ZNF687: variants seen among roughly 807,000 people sequenced by gnomAD.
ZNF687 encodes zinc finger protein 687.
ZNF687 carries 13 observed loss-of-function variants against 71.8 expected under a neutral mutation model. The observed-to-expected ratio is 0.18, with a 90% CI of 0.12 to 0.29. The LOEUF is 0.29. Ranked by LOEUF, ZNF687 falls within the 10% of genes least tolerant of loss-of-function variation. The pLI is 1.00. For synonymous variants in ZNF687, 673 were observed against 641.6 expected, an observed-to-expected ratio of 1.05 and a Z score of -0.74; for missense variants, 1,412 against 1,625.6, an observed-to-expected ratio of 0.87 and a Z score of 2.26.
intron 1 of ZNF687, chr1:151,285,109 A>G (rs755660720): frequency 6.6e-6 from 1 of 152,142 alleles, no homozygotes; most frequent in East Asian, 1.9e-4. Flanking sequence ...AAAGTAAGGC[A>G]CTGAAGAAAC....
In ZNF687 at chr1:151,288,023, C is replaced by G; in HGVS notation, c.1732C>G (p.Leu578Val). Reference protein sequence around the residue: ...RRLVFFNKCSLLLHAREHKDK... With the variant: ...RRLVFFNKCSVLLHAREHKDK... Reference sequence around the variant, plus strand: ...CCTGGTCTTCTTCAACAAGTGCAGCCTGCTCCTGCATGCACGTGAACACAA... The same window carrying G: ...CCTGGTCTTCTTCAACAAGTGCAGCGTGCTCCTGCATGCACGTGAACACAA... The change falls in exon 2 of 9, where the codon CTG becomes GTG. Residue 578 changes from leucine to valine, a missense_variant. Physicochemically the swap from Leu to Val is conservative, Grantham distance 32. Transcript: ENST00000336715. 6.2e-7 allele frequency: 1 copy of G among 1,614,080 alleles called. No individual in the cohort carries two copies. Among genetic ancestry groups the G allele is most frequent in the Non-Finnish European group, 8.5e-7 (1 of 1,180,036 alleles).
upstream of ZNF687, chr1:151,281,662 A>C: frequency 4.3e-6 from 2 of 466,876 alleles, no homozygotes; most frequent in Middle Eastern, 6.6e-4. Context: ...GACCCCATCC[A>C]TCAGATTATA....
chr1:151,291,043 G>A lies in ZNF687; in HGVS notation c.3548G>A (p.Arg1183Lys), dbSNP rs2101888912. The A allele has an allele frequency of 1.2e-6, 2 of 1,613,870 alleles. No homozygotes were observed. The highest frequency in any genetic ancestry group is 2.2e-5 in the East Asian group (1 of 44,866). ...GGGGAGGAAGAGGCCCCTCCATCAA[G>A]GTCTGACCCCGATGGTGGAGACTCA... The part of the protein sequence containing the change: ...GDGEEEAPPS[R>K]SDPDGGDSPL... Residue 1183 changes from arginine to lysine, a missense_variant, in exon 9 of 9, where the codon AGG becomes AAG. Arg to Lys is a conservative substitution (Grantham distance 26). This residue lies in a region of ZNF687 where 284 missense variants were observed against 359.2 expected (regional missense o/e 0.79). Transcript: ENST00000336715.
chr1:151,290,798 G>C lies in ZNF687; in HGVS notation c.3303G>C (p.Arg1101Ser). ...CGACACCGCCAGCCAAGTCCCCCAGGGGCGGACCTGGATCTGGAGGCCATG... is the reference window on the plus strand; with the variant it reads ...CGACACCGCCAGCCAAGTCCCCCAGCGGCGGACCTGGATCTGGAGGCCATG... ...DSTTPPAKSP[R>S]GGPGSGGHGP... is the part of the protein sequence containing the mutation. The change falls in exon 9 of 9, where the codon AGG becomes AGC. Residue 1101 changes from arginine to serine, a missense_variant. By Grantham distance (110) the Arg-to-Ser change is moderately radical (BLOSUM62 -1). This residue lies in a region of ZNF687 where 284 missense variants were observed against 359.2 expected (regional missense o/e 0.79). Coordinates refer to ENST00000336715, the MANE Select transcript of ZNF687 (RefSeq NM_020832.3). The C allele has an allele frequency of 1.2e-6, 2 of 1,613,822 alleles. No individual in the cohort carries two copies. The highest frequency in any genetic ancestry group is 2.2e-5 in the East Asian group (1 of 44,882).
In ZNF687 at chr1:151,287,682, AGGT is replaced by A. The variant is rs958023761; in HGVS notation, c.1393_1395del (p.Val465del). 1 of 1,613,434 alleles carries A rather than the reference AGGT, an allele frequency of 6.2e-7. No individual in the cohort carries two copies. The highest frequency in any genetic ancestry group is 1.3e-5 in the African/African-American group (1 of 74,904). ...GCAGGGCTGGGGACTGGGGGACAGA[AGGT>A]GAATGGTGCCTCGGTGGTGATGGTG... On this transcript the variant is annotated inframe_deletion, in exon 2 of 9. Coordinates refer to ENST00000336715, the MANE Select transcript of ZNF687 (RefSeq NM_020832.3). The surrounding 1 kb of genome is among the most constrained non-coding windows in gnomAD (Gnocchi z 5.0).
Position 151,289,898 on chromosome 1 carries a change from G to C in ZNF687, c.2855G>C (p.Gly952Ala). ...KRPRRELGSK[G>A]LKGGGGGPGG... Reference sequence around the variant, plus strand: ...CCTCGGCGGGAACTAGGGAGCAAAGGCCTCAAGGGTGGGGGTGGGGGGCCT... The same window carrying C: ...CCTCGGCGGGAACTAGGGAGCAAAGCCCTCAAGGGTGGGGGTGGGGGGCCT... Residue 952 changes from glycine to alanine, a missense_variant, in exon 6 of 9, where the codon GGC becomes GCC. Physicochemically the swap from Gly to Ala is moderately conservative, Grantham distance 60. Around this residue, in one of 8 missense-constraint regions of ZNF687, gnomAD observed 135 missense variants for 104.1 expected, o/e 1.30. Coordinates refer to ENST00000336715, the MANE Select transcript of ZNF687 (RefSeq NM_020832.3). 6.4e-7 allele frequency: 1 copy of C among 1,558,410 alleles called. No homozygotes were observed.
At chr1:151,283,144 T>C (rs1039665411) in intron 1 of ZNF687, 37 of 985,254 alleles carry the variant, frequency 3.8e-5, no homozygotes, top group Non-Finnish European at 4.2e-5. Context: ...CAGTTTCCCT[T>C]GTAGTTTCTC....
chr1:151,282,429 C>T (rs911057598), intron 1 of ZNF687, 34 bp downstream of exon 1: 51 of 985,980 alleles, frequency 5.2e-5, no homozygotes, highest in Non-Finnish European at 6.0e-5. Context: ...CCGCCCTTGG[C>T]TCCGCCCCCT....
chr1:151,286,290 A>C lies in ZNF687; in HGVS notation c.-2A>C. Reference sequence around the variant, plus strand: ...TTTTCATCAGGTCTGGGATCTGCCGATATGGGGGATATGAAGACCCCTGAT... The same window carrying C: ...TTTTCATCAGGTCTGGGATCTGCCGCTATGGGGGATATGAAGACCCCTGAT... On this transcript the variant is annotated 5_prime_UTR_variant, in exon 2 of 9. Transcript: ENST00000336715. 6.5e-7 allele frequency: 1 copy of C among 1,549,542 alleles called. No individual in the cohort carries two copies. Among genetic ancestry groups the C allele is most frequent in the Non-Finnish European group, 8.7e-7 (1 of 1,151,494 alleles).
rs1473878866 is a variant in ZNF687 at position 151,286,993 on chromosome 1, A to G, written c.702A>G (p.Leu234=). 6.2e-7 allele frequency: 1 copy of G among 1,602,394 alleles called. No homozygotes were observed. The highest frequency in any genetic ancestry group is 2.2e-5 in the East Asian group (1 of 44,670). The change falls in exon 2 of 9, where the codon CTA becomes CTG. Residue 234 remains leucine, a synonymous_variant. Transcript: ENST00000336715. ...GCAGCCCCCATCATCCCCAGGTCCT[A>G]GCCCAACAAGGCTCAGGCTCCAGCC... ...ESCSPHHPQV[L]AQQGSGSSPK... is the part of the protein sequence containing the mutation.
At position 151,286,604 on chromosome 1, in the gene ZNF687, G is replaced by C. The variant is rs1693956494; in HGVS notation, c.313G>C (p.Asp105His). The change falls in exon 2 of 9, where the codon GAC (aspartate) becomes CAC (histidine). Residue 105 changes from aspartate (D) to histidine (H), a missense_variant. Transcript: ENST00000336715. The stretch of plus-strand genomic sequence containing the variant: ...GGCCCTGGCTGGAGGCTCAGCAGGA[G>C]ACGGGGCCCAGGCTGCTGGGGTAAC... The part of the protein sequence containing the change: ...SEALAGGSAG[D>H]GAQAAGVTKE... 1 of 1,614,230 alleles carries C rather than the reference G, an allele frequency of 6.2e-7. No homozygotes were observed. The highest frequency in any genetic ancestry group is 8.5e-7 in the Non-Finnish European group (1 of 1,180,036).
chr1:151,289,569 T>C (rs202193782), intron 5 of ZNF687, 29 bp downstream of exon 5: 2 of 1,613,956 alleles, frequency 1.2e-6, no homozygotes, highest in Non-Finnish European at 1.7e-6. Flanking sequence ...GGGGAATGGG[T>C]GCTTAGCTGT....
Position 151,289,291 on chromosome 1 carries a change from CGGGCTGGGCCAGGGA to C in ZNF687, c.2471+28_2471+42del. On this transcript the variant is annotated intron_variant, in intron 4 of 8. Transcript: ENST00000336715. ...GGCCAAGTGAGGCCCGGGGGAGGGCCGGGCTGGGCCAGGGAGGGCTGGTGGGGCGCAGGAGGGGAG... is the reference window on the plus strand; with the variant it reads ...GGCCAAGTGAGGCCCGGGGGAGGGCCGGGCTGGTGGGGCGCAGGAGGGGAG... The C allele has an allele frequency of 6.2e-7, 1 of 1,612,850 alleles. No homozygotes were observed. Among genetic ancestry groups the C allele is most frequent in the South Asian group, 1.1e-5 (1 of 91,058 alleles).
rs771813480 is a variant in ZNF687, at chr1:151,287,926, G to A, written c.1635G>A (p.Glu545=). Residue 545 remains glutamate (E), a synonymous_variant, in exon 2 of 9, where the codon GAG becomes GAA. Transcript: ENST00000336715. The surrounding 1 kb of genome is among the most constrained non-coding windows in gnomAD (Gnocchi z 5.0). ...AGTGTGGGGATGCCTTCTCATTGGA[G>A]AAGAGCCTGGCACGGCACTATGACC... ...CLECGDAFSL[E]KSLARHYDRR... 20 of 1,613,814 alleles carry A rather than the reference G, an allele frequency of 1.2e-5. No individual in the cohort carries two copies. The highest frequency in any genetic ancestry group is 1.7e-5 in the Non-Finnish European group (20 of 1,180,048).
At position 151,287,564 on chromosome 1, in the gene ZNF687, G is replaced by T; in HGVS notation, c.1273G>T (p.Val425Leu). 6.2e-7 allele frequency: 1 copy of T among 1,614,076 alleles called. No individual in the cohort carries two copies. The highest frequency in any genetic ancestry group is 8.5e-7 in the Non-Finnish European group (1 of 1,180,020). ...MAASVARKAV[V>L]LPGGTATSPK... ...AGCCAGTGTGGCTCGCAAGGCTGTG[G>T]TGCTGCCTGGGGGGACTGCCACCAG... Residue 425 changes from valine to leucine, a missense_variant, in exon 2 of 9, where the codon GTG becomes TTG. Physicochemically the swap from Val to Leu is conservative, Grantham distance 32 (BLOSUM62 1). This residue lies in a region of ZNF687 where 133 missense variants were observed against 155.1 expected (regional missense o/e 0.86). Coordinates refer to ENST00000336715, the MANE Select transcript of ZNF687 (RefSeq NM_020832.3). The surrounding 1 kb of genome is among the most constrained non-coding windows in gnomAD (Gnocchi z 5.0).
intron 5 of ZNF687, 33 bp from the exon 6 acceptor site, chr1:151,289,645 C>G (rs780891941): frequency 7.2e-5 from 114 of 1,593,332 alleles, no homozygotes; most frequent in Non-Finnish European, 9.0e-5. Context: ...GGCCCTCCCC[C>G]ACAACAGCAA....
chr1:151,282,298 C>G (rs1693742734), upstream of ZNF687: 1 of 1,002,330 alleles, frequency 1.0e-6, no homozygotes, highest in African/African-American at 1.7e-5. Flanking sequence ...CGGAGAGAAG[C>G]AGGAAGTAGC....
At position 151,287,272 on chromosome 1, in the gene ZNF687, T is replaced by A; in HGVS notation, c.981T>A (p.Pro327=). 6.2e-7 allele frequency: 1 copy of A among 1,614,174 alleles called. No homozygotes were observed. The highest frequency in any genetic ancestry group is 8.5e-7 in the Non-Finnish European group (1 of 1,180,020). The change falls in exon 2 of 9, where the codon CCT becomes CCA. Residue 327 remains proline (P), a synonymous_variant. Coordinates refer to ENST00000336715, the MANE Select transcript of ZNF687 (RefSeq NM_020832.3). The surrounding 1 kb of genome is among the most constrained non-coding windows in gnomAD (Gnocchi z 5.0). ...CCCCTGCCTCCAGCTCCTCTAGGCC[T>A]CTTAAGGTGCGGATCAAGACCATTA... ...NDSPASSSSR[P]LKVRIKTIKT...
In ZNF687 at chr1:151,288,204, G is replaced by C; in HGVS notation, c.1913G>C (p.Gly638Ala). 1.2e-6 allele frequency: 2 copies of C among 1,613,788 alleles called. No individual in the cohort carries two copies. Among genetic ancestry groups the C allele is most frequent in the Non-Finnish European group, 1.7e-6 (2 of 1,179,984 alleles). Reference protein sequence around the residue: ...LALPALGKGEGAITSSAITTV... With the variant: ...LALPALGKGEAAITSSAITTV... ...TTGCCTGCCTTGGGCAAGGGTGAGG[G>C]GGCCATCACCTCCTCTGCCATTACT... Residue 638 changes from glycine (G) to alanine (A), a missense_variant, in exon 2 of 9, where the codon GGG becomes GCG. Coordinates refer to ENST00000336715, the MANE Select transcript of ZNF687 (RefSeq NM_020832.3).
Sources: allele counts gnomAD v4.1 joint callset, GRCh38; gene constraint gnomAD v4.1.1; regional missense constraint gnomAD v4.1.1; non-coding constraint Gnocchi (gnomAD v3.1); transcripts MANE v1.5; gene names NCBI Gene and HGNC (gene_info 2026-07-23, HGNC 2026-07-21).